The following TBC1D1 variants were observed in gnomAD, a reference collection of about 807,000 sequenced individuals.
TBC1D1 encodes TBC1 domain family member 1, also known as TBC1 (tre-2/USP6, BUB2, cdc16) domain family, member 1.
A neutral mutation model predicts 125.6 loss-of-function variants in TBC1D1; 89 were observed. The ratio of observed to expected loss-of-function variants is 0.71; its 90% CI spans 0.60 to 0.85. The LOEUF (loss-of-function observed/expected upper bound fraction) is 0.85. TBC1D1 is among the 40% of genes least tolerant of loss of function. TBC1D1 has a pLI of 0.00. For missense variants in TBC1D1, 1,377 were observed against 1,469.2 expected, an observed-to-expected ratio of 0.94 and a Z score of 1.03; for synonymous variants, 565 against 564.1, an observed-to-expected ratio of 1.00 and a Z score of -0.02.
At chr4:38,054,729 G>A (rs1439799914) in intron 12 of TBC1D1, among the ~76,000 whole-genome samples, 1 of 152,208 alleles carries the variant, frequency 6.6e-6, no homozygotes. Flanking sequence ...ATGAAAGGAC[G>A]TCAAGTACAC....
intron 14 of TBC1D1, among the ~76,000 whole-genome samples, chr4:38,096,839 G>T (rs1434360751): frequency 6.6e-6 from 1 of 151,604 alleles, no homozygotes; most frequent in Non-Finnish European, 1.5e-5. Flanking sequence ...TATTTTTACT[G>T]TATCGTATAA....
At chr4:38,007,999 A>G (rs76743316) in intron 2 of TBC1D1, among the ~76,000 whole-genome samples, 5,012 of 152,316 alleles carry the variant, frequency 0.033, 111 homozygotes, top group African/African-American at 0.065. Context: ...CCCACCTCCA[A>G]ACAAGCTGCT....
intron 3 of TBC1D1, among the ~76,000 whole-genome samples, chr4:38,016,803 T>TG (rs1742831192): frequency 1.3e-5 from 2 of 152,204 alleles, no homozygotes; most frequent in African/African-American, 4.8e-5. Context: ...CACAACTTTA[T>TG]GGGTCTTGGT....
chr4:38,114,064 CCT>C (rs922558125), intron 15 of TBC1D1, among the ~76,000 whole-genome samples: 101 of 151,918 alleles, frequency 6.6e-4, no homozygotes, highest in South Asian at 6.2e-4. Context: ...CACACACACA[CCT>C]GCACACAACC....
intron 2 of TBC1D1, among the ~76,000 whole-genome samples, chr4:38,007,876 C>A (rs6850200): frequency 0.36 from 54,438 of 152,068 alleles, 10,315 homozygotes; most frequent in East Asian, 0.64. Flanking sequence ...CCTATGAAGC[C>A]CTGCCTTCCC....
intron 14 of TBC1D1, among the ~76,000 whole-genome samples, chr4:38,097,340 G>GT (rs71658757): frequency 0.2 from 24,040 of 122,088 alleles, 2,503 homozygotes; most frequent in East Asian, 0.48. Flanking sequence ...TTTTTTGTGG[G>GT]TTTTTTTTTT....
intron 18 of TBC1D1, 84 bp from the exon 21 acceptor site, chr4:38,133,000 G>T (rs751685487): frequency 4.1e-6 from 5 of 1,206,002 alleles, no homozygotes; most frequent in Non-Finnish European, 4.7e-6. Flanking sequence ...TCACAGGTGC[G>T]CATTGTCGTG....
In TBC1D1 at chr4:37,960,430, C is replaced by A. The variant is rs374920401; in HGVS notation, c.418-54079C>A. On this transcript the variant is annotated intron_variant, in intron 2 of 19. Transcript: ENST00000261439. ...TGTGGCTGTTGAGAGCGGCAATAAT[C>A]CAGAATGGCTACTCTGATCTACGTT... is the stretch of plus-strand genomic sequence containing the variant. 14 of 1,607,646 alleles carry A rather than the reference C, an allele frequency of 8.7e-6. No homozygotes were observed. The African/African-American group carries it at 1.7e-4, about 20-fold the overall frequency.
At chr4:37,951,819 G>A (rs1727935155) in intron 2 of TBC1D1, among the ~76,000 whole-genome samples, 1 of 152,208 alleles carries the variant, frequency 6.6e-6, no homozygotes, top group Admixed American at 6.5e-5. Context: ...AATCTGTAGA[G>A]GGGTCACAGC....
chr4:38,103,683 A>G (rs1760756936), intron 15 of TBC1D1, among the ~76,000 whole-genome samples: 1 of 152,250 alleles, frequency 6.6e-6, no homozygotes, highest in Non-Finnish European at 1.5e-5. Context: ...AACAATATAC[A>G]GTCAGCCCTC....
intron 1 of TBC1D1, among the ~76,000 whole-genome samples, chr4:37,899,130 C>A (rs1715279797): frequency 6.6e-6 from 1 of 152,000 alleles, no homozygotes; most frequent in South Asian, 2.1e-4. Context: ...GGATGGGGCA[C>A]CTTTTCTCTA....
chr4:38,120,116 A>G (rs992773248), intron 17 of TBC1D1: 2 of 985,132 alleles, frequency 2.0e-6, no homozygotes, highest in African/African-American at 1.7e-5. Flanking sequence ...AAGGTAAGAT[A>G]TTTTTCTGTA....
intron 12 of TBC1D1, among the ~76,000 whole-genome samples, chr4:38,067,457 G>A (rs1436293601): frequency 2.6e-5 from 4 of 152,170 alleles, no homozygotes; most frequent in East Asian, 1.9e-4. Flanking sequence ...GCCAGGGGAC[G>A]GCTTTCCTTC....
intron 2 of TBC1D1, among the ~76,000 whole-genome samples, chr4:37,981,994 G>T (rs1383171146): frequency 1.3e-5 from 2 of 152,174 alleles, no homozygotes; most frequent in Non-Finnish European, 2.9e-5. Flanking sequence ...TATCTTGTTT[G>T]TCTGTGTTTG....
At chr4:37,972,986 C>T (rs1732371229) in intron 2 of TBC1D1, among the ~76,000 whole-genome samples, 1 of 151,770 alleles carries the variant, frequency 6.6e-6, no homozygotes, top group African/African-American at 2.4e-5. Flanking sequence ...GATGGAATTC[C>T]AGATTATAAC....
At chr4:37,911,059 A>G (rs1045834880) in intron 2 of TBC1D1, among the ~76,000 whole-genome samples, 6 of 150,918 alleles carry the variant, frequency 4.0e-5, no homozygotes, top group African/African-American at 1.5e-4. Flanking sequence ...GGACTAGACT[A>G]GCTTCCTAAA....
intron 12 of TBC1D1, among the ~76,000 whole-genome samples, chr4:38,067,719 T>G (rs1264261307): frequency 6.6e-6 from 1 of 152,178 alleles, no homozygotes; most frequent in Non-Finnish European, 1.5e-5. Context: ...TTCTTCTGTT[T>G]CCCTAACACC....
intron 2 of TBC1D1, chr4:37,951,906 G>A (rs1340933753): frequency 2.8e-6 from 2 of 709,270 alleles, no homozygotes; most frequent in Admixed American, 2.0e-5. Context: ...GGTGATAATG[G>A]GTATGTACTT....
intron 12 of TBC1D1, among the ~76,000 whole-genome samples, chr4:38,068,350 C>G (rs748584927): frequency 6.6e-6 from 1 of 152,172 alleles, no homozygotes; most frequent in African/African-American, 2.4e-5. Flanking sequence ...CTTCAGGCAG[C>G]CATGACTTTG....
Sources: allele counts gnomAD v4.1 joint callset (sites outside exome capture counted in the v4.1 genomes callset), GRCh38; gene constraint gnomAD v4.1.1; transcripts MANE v1.5; gene names NCBI Gene and HGNC (gene_info 2026-07-23, HGNC 2026-07-21).